LMBRD2: variants seen among roughly 807,000 people sequenced by gnomAD.
LMBRD2 encodes the protein LMBR1 domain containing 2.
A neutral mutation model predicts 94.4 loss-of-function variants in LMBRD2; 55 were observed. The observed-to-expected ratio is 0.58, with a 90% CI of 0.47 to 0.73. LMBRD2 has a LOEUF of 0.73. Ranked by LOEUF, LMBRD2 falls within the 30% of genes least tolerant of loss-of-function variation. The pLI is 0.00. For synonymous variants in LMBRD2, 246 were observed against 272.4 expected, an observed-to-expected ratio of 0.90 and a Z score of 0.95; for missense variants, 640 against 831.9, an observed-to-expected ratio of 0.77 and a Z score of 2.84.
At chr5:36,104,170 A>T in intron 17 of LMBRD2, 64 bp from the exon 18 acceptor site, 1 of 1,289,814 alleles carries the variant, frequency 7.8e-7, no homozygotes, top group South Asian at 1.2e-5. Context: ...AGAGGAAAAC[A>T]AGAATACATT....
At chr5:36,135,863 A>G (rs1012012489) in intron 6 of LMBRD2, among the ~76,000 whole-genome samples, 1 of 152,232 alleles carries the variant, frequency 6.6e-6, no homozygotes, top group Non-Finnish European at 1.5e-5. Flanking sequence ...AAACTTACCA[A>G]TACAAACTCC....
chr5:36,137,534 A>G, intron 4 of LMBRD2, 93 bp from the exon 5 acceptor site: 2 of 702,998 alleles, frequency 2.8e-6, no homozygotes, highest in Non-Finnish European at 4.6e-6. Context: ...CTCAATTTTA[A>G]TGAATAGGTC....
At chr5:36,114,345 G>C (rs921248076) in intron 13 of LMBRD2, 79 bp downstream of exon 13, 23 of 1,461,330 alleles carry the variant, frequency 1.6e-5, no homozygotes, top group Non-Finnish European at 1.4e-5. Flanking sequence ...AACTCAATCA[G>C]TAAATATTTA....
chr5:36,117,900 A>G lies in LMBRD2; in HGVS notation c.1137T>C (p.Cys379=). ...YNPTFEWYWE[C]LLRPWFYKIL... ...TCTTGTAAAACCATGGTCGCAAAAG[A>G]CATTCCCAGTACCATTCTAGAAGAC... Residue 379 remains cysteine, a synonymous_variant, in exon 10 of 18, where the codon TGT becomes TGC. Transcript: ENST00000296603. 2 of 1,611,234 alleles carry G rather than the reference A, an allele frequency of 1.2e-6. No homozygotes were observed. The highest frequency in any genetic ancestry group is 1.7e-6 in the Non-Finnish European group (2 of 1,179,058).
Position 36,122,913 on chromosome 5 carries a change from C to CAT in LMBRD2, c.869_870dup (p.Glu291MetfsTer18). The CAT allele has an allele frequency of 6.3e-7, 1 of 1,581,970 alleles. No homozygotes were observed. Among genetic ancestry groups the CAT allele is most frequent in the East Asian group, 2.3e-5 (1 of 42,914 alleles). The stretch of plus-strand genomic sequence containing the variant: ...ATACTATGCTTTTCATCAAAATCTT[C>CAT]ATAATCATCCATGTTCCTACCCATT... On this transcript the variant is annotated frameshift_variant, in exon 8 of 18. Coordinates refer to ENST00000296603, the MANE Select transcript of LMBRD2 (RefSeq NM_001007527.2). LOFTEE classifies it high-confidence loss of function.
intron 13 of LMBRD2, 42 bp from the exon 14 acceptor site, chr5:36,111,300 C>T (rs1283465195): frequency 8.0e-7 from 1 of 1,253,152 alleles, no homozygotes; most frequent in African/African-American, 1.5e-5. Flanking sequence ...CATTATTTCA[C>T]ATTGTAAATA....
At chr5:36,128,094 G>A (rs1181818115) in intron 6 of LMBRD2, among the ~76,000 whole-genome samples, 3 of 152,204 alleles carry the variant, frequency 2.0e-5, no homozygotes, top group African/African-American at 7.2e-5. Context: ...AGTAAGGGAA[G>A]AGAACAAGAA....
chr5:36,122,973 A>C lies in LMBRD2; in HGVS notation c.823-12T>G. On this transcript the variant is annotated splice_polypyrimidine_tract_variant and intron_variant, in intron 7 of 17. Transcript: ENST00000296603. Reference sequence around the variant, plus strand: ...TACTCTGTAGGGCACTAAAAAAAAAAAAAAGTAGATTTTTAAAAATCTTAA... The same window carrying C: ...TACTCTGTAGGGCACTAAAAAAAAACAAAAGTAGATTTTTAAAAATCTTAA... 1 of 1,487,130 alleles carries C rather than the reference A, an allele frequency of 6.7e-7. No homozygotes were observed. Among genetic ancestry groups the C allele is most frequent in the Non-Finnish European group, 8.9e-7 (1 of 1,128,846 alleles). 92.1% of individuals were successfully genotyped at this position (1,487,130 alleles called of 1,614,324 possible).
chr5:36,126,343 A>T (rs1355653806), intron 6 of LMBRD2, among the ~76,000 whole-genome samples: 1 of 152,220 alleles, frequency 6.6e-6, no homozygotes, highest in Non-Finnish European at 1.5e-5. Flanking sequence ...ACAATTAATT[A>T]ACATTTGCTA....
At position 36,109,617 on chromosome 5, in the gene LMBRD2, A is replaced by T. The variant is rs1743555551; in HGVS notation, c.1791+328T>A. Among the ~76,000 whole-genome samples the T allele has an allele frequency of 2.0e-5, 3 of 152,180 alleles. No homozygotes were observed. In the South Asian group the frequency reaches 6.2e-4, roughly 32 times the overall value. ...CACCAAAAAAAGAGAAACAATTTTA[A>T]AGCAATCAAAACCACTTTAATAGCA... On this transcript the variant is annotated intron_variant, in intron 15 of 17. Transcript: ENST00000296603.
In LMBRD2 at chr5:36,114,105, C is replaced by T. The variant is rs532968318; in HGVS notation, c.1640+319G>A. ...GGACATAAGGGTGTTTTGCAGGCTA[C>T]GATAGCTGTCAGTGTCAAAGGCCAG... On this transcript the variant is annotated intron_variant, in intron 13 of 17. Coordinates refer to ENST00000296603, the MANE Select transcript of LMBRD2 (RefSeq NM_001007527.2). Among the ~76,000 whole-genome samples, 5 of 152,200 alleles carry T rather than the reference C, an allele frequency of 3.3e-5. No individual in the cohort carries two copies. The South Asian group carries it at 6.2e-4, about 19-fold the overall frequency.
intron 9 of LMBRD2, among the ~76,000 whole-genome samples, chr5:36,121,302 AT>A (rs1230175877): frequency 3.0e-4 from 46 of 152,316 alleles, no homozygotes; most frequent in Admixed American, 3.0e-3. Context: ...ATTAGGAAGG[AT>A]TTTTGTTAAA....
intron 6 of LMBRD2, among the ~76,000 whole-genome samples, chr5:36,131,053 A>G (rs986318747): frequency 2.0e-5 from 3 of 152,300 alleles, no homozygotes; most frequent in Middle Eastern, 3.4e-3. Context: ...CTGCAGGCCA[A>G]TATCCCTGAT....
intron 1 of LMBRD2, among the ~76,000 whole-genome samples, chr5:36,145,516 C>T (rs62353824): frequency 0.022 from 3,303 of 152,330 alleles, 61 homozygotes; most frequent in Middle Eastern, 0.092. Flanking sequence ...TGCGCCACAG[C>T]GCCCAGCCAA....
intron 8 of LMBRD2, 61 bp downstream of exon 8, chr5:36,122,787 A>C: frequency 6.6e-7 from 1 of 1,519,644 alleles, no homozygotes; most frequent in South Asian, 1.3e-5. Flanking sequence ...TTTTATGAGC[A>C]ATGATTAGAA....
At chr5:36,113,273 GC>G (rs1374753297) in intron 13 of LMBRD2, among the ~76,000 whole-genome samples, 5 of 152,110 alleles carry the variant, frequency 3.3e-5, no homozygotes, top group East Asian at 1.9e-4. Flanking sequence ...GGTGCATACA[GC>G]CCCCAGTCAC....
At chr5:36,113,344 A>T (rs1051389103) in intron 13 of LMBRD2, among the ~76,000 whole-genome samples, 1 of 152,002 alleles carries the variant, frequency 6.6e-6, no homozygotes, top group African/African-American at 2.4e-5. Context: ...TAGAGTTGTA[A>T]GCCCTTAAAA....
At position 36,122,346 on chromosome 5, in the gene LMBRD2, CA is replaced by C. The variant is rs1412038478; in HGVS notation, c.1053del (p.Phe351LeufsTer48). ...AKNETSATHQ[F>X]VHTFQSPEPE... Reference sequence around the variant, plus strand: ...GGCTCTGGCGATTGAAAGGTGTGAACAAACTGATGAGTAGCACTAGTTTCAT... The same window carrying C: ...GGCTCTGGCGATTGAAAGGTGTGAACAACTGATGAGTAGCACTAGTTTCAT... On this transcript the variant is annotated frameshift_variant, in exon 9 of 18. Transcript: ENST00000296603. LOFTEE classifies it high-confidence loss of function. 5 of 1,612,470 alleles carry C rather than the reference CA, an allele frequency of 3.1e-6. No individual in the cohort carries two copies. The highest frequency in any genetic ancestry group is 4.2e-6 in the Non-Finnish European group (5 of 1,179,442).
intron 6 of LMBRD2, among the ~76,000 whole-genome samples, chr5:36,133,025 T>C (rs577567853): frequency 6.7e-6 from 1 of 148,210 alleles, no homozygotes; most frequent in East Asian, 2.0e-4. Context: ...AAAGCTACCA[T>C]GTGTTTCAGC....
Sources: allele counts gnomAD v4.1 joint callset (sites outside exome capture counted in the v4.1 genomes callset), GRCh38; gene constraint gnomAD v4.1.1; transcripts MANE v1.5; gene names NCBI Gene and HGNC (gene_info 2026-07-23, HGNC 2026-07-21).